The following RAD51B variants were observed in gnomAD, a reference collection of about 807,000 sequenced individuals.
RAD51B encodes the protein RAD51 paralog B.
In RAD51B, 38 loss-of-function variants were observed where a neutral mutation model predicts 42.2. The observed-to-expected ratio is 0.90, with a 90% CI of 0.70 to 1.18. RAD51B has a LOEUF of 1.18. RAD51B is among the 50% of genes most tolerant of loss of function. The pLI is 0.00. For missense variants in RAD51B, 373 were observed against 400.7 expected (o/e 0.93, Z 0.59); for synonymous variants, 154 against 145.2 (o/e 1.06, Z -0.43).
chr14:68,401,601 G>A (rs1289041081), intron 8 of RAD51B, among the ~76,000 whole-genome samples: 2 of 152,152 alleles, frequency 1.3e-5, no homozygotes, highest in Non-Finnish European at 2.9e-5. Flanking sequence ...TGCAAGTAAA[G>A]CCTCTGGACT....
At chr14:67,923,776 A>G (rs1054475052) in intron 7 of RAD51B, among the ~76,000 whole-genome samples, 1 of 152,128 alleles carries the variant, frequency 6.6e-6, no homozygotes, top group Non-Finnish European at 1.5e-5. Flanking sequence ...TGGTAGATCT[A>G]CTTTTAGTTC....
At chr14:67,972,765 A>T (rs2074922190) in intron 7 of RAD51B, among the ~76,000 whole-genome samples, 1 of 152,076 alleles carries the variant, frequency 6.6e-6, no homozygotes, top group Non-Finnish European at 1.5e-5. Context: ...CTTTGGTTTT[A>T]TGTGGAACTA....
chr14:68,376,843 G>C (rs1304302583), intron 8 of RAD51B, among the ~76,000 whole-genome samples: 3 of 152,162 alleles, frequency 2.0e-5, no homozygotes, highest in African/African-American at 7.2e-5. Flanking sequence ...ATTATACAAG[G>C]GCCGGAAGTG....
At chr14:68,586,051 T>C (rs1890453635) in intron 10 of RAD51B, among the ~76,000 whole-genome samples, 1 of 151,788 alleles carries the variant, frequency 6.6e-6, no homozygotes, top group Non-Finnish European at 1.5e-5. Context: ...CTGCAATCAG[T>C]CTTCCTGCAG....
At chr14:68,014,939 G>C (rs1330572084) in intron 7 of RAD51B, among the ~76,000 whole-genome samples, 6 of 151,776 alleles carry the variant, frequency 4.0e-5, no homozygotes, top group African/African-American at 1.5e-4. Flanking sequence ...CTACCCACTA[G>C]GGCCACCCGG....
intron 9 of RAD51B, among the ~76,000 whole-genome samples, chr14:68,456,095 G>A (rs1434855877): frequency 6.6e-6 from 1 of 152,154 alleles, no homozygotes; most frequent in Non-Finnish European, 1.5e-5. Context: ...CAACAAGAGA[G>A]TTAAAATTGT....
chr14:68,069,922 C>T (rs1477052502), intron 7 of RAD51B, among the ~76,000 whole-genome samples: 2 of 152,088 alleles, frequency 1.3e-5, no homozygotes, highest in African/African-American at 4.8e-5. Context: ...CAAGCATTCC[C>T]TTTCCTCTGT....
intron 8 of RAD51B, among the ~76,000 whole-genome samples, chr14:68,330,143 C>T (rs2082320750): frequency 6.6e-6 from 1 of 152,122 alleles, no homozygotes; most frequent in South Asian, 2.1e-4. Flanking sequence ...AAGATACTAG[C>T]AAAGCTCTCA....
At chr14:68,313,584 C>G (rs1032372974) in intron 8 of RAD51B, among the ~76,000 whole-genome samples, 6 of 152,186 alleles carry the variant, frequency 3.9e-5, no homozygotes, top group African/African-American at 1.2e-4. Context: ...GTCTGCTGTG[C>G]AAACTTGGCT....
At chr14:68,669,236 A>G (rs1214360149) in intron 11 of RAD51B, among the ~76,000 whole-genome samples, 1 of 152,272 alleles carries the variant, frequency 6.6e-6, no homozygotes, top group East Asian at 1.9e-4. Flanking sequence ...TCCCTCCGGA[A>G]ATAAGCAAAG....
At chr14:68,584,287 G>A (rs542934200) in intron 10 of RAD51B, among the ~76,000 whole-genome samples, 7 of 152,254 alleles carry the variant, frequency 4.6e-5, no homozygotes, top group Admixed American at 2.6e-4. Flanking sequence ...CTCAGCTGCC[G>A]GAATCTAGGA....
chr14:68,566,775 G>A (rs1889441833), intron 10 of RAD51B, among the ~76,000 whole-genome samples: 1 of 152,068 alleles, frequency 6.6e-6, no homozygotes, highest in South Asian at 2.1e-4. Context: ...ACTTCCTTGT[G>A]TTCTCCAACA....
intron 7 of RAD51B, among the ~76,000 whole-genome samples, chr14:68,180,492 A>C (rs2079042411): frequency 6.6e-6 from 1 of 152,278 alleles, no homozygotes; most frequent in Non-Finnish European, 1.5e-5. Flanking sequence ...GATTATCGTC[A>C]TGCTGTTGAG....
chr14:68,333,558 C>A (rs868448515), intron 8 of RAD51B, among the ~76,000 whole-genome samples: 1 of 152,158 alleles, frequency 6.6e-6, no homozygotes, highest in East Asian at 1.9e-4. Context: ...CTTAGAGATA[C>A]CTTTGCTTCA....
intron 7 of RAD51B, among the ~76,000 whole-genome samples, chr14:68,071,548 G>A (rs2076740054): frequency 6.6e-6 from 1 of 152,018 alleles, no homozygotes; most frequent in African/African-American, 2.4e-5. Flanking sequence ...CTCTTTATAT[G>A]ATTAATCACA....
At chr14:68,509,871 A>G (rs552824345) in intron 10 of RAD51B, among the ~76,000 whole-genome samples, 3 of 152,334 alleles carry the variant, frequency 2.0e-5, no homozygotes, top group Admixed American at 2.0e-4. Context: ...CCAGTCGGCC[A>G]TGGTTTGCTT....
intron 7 of RAD51B, among the ~76,000 whole-genome samples, chr14:68,185,938 C>T (rs1368076508): frequency 6.6e-6 from 1 of 152,180 alleles, no homozygotes; most frequent in Non-Finnish European, 1.5e-5. Flanking sequence ...CCCTTTGAGG[C>T]ATCACATTAC....
intron 7 of RAD51B, among the ~76,000 whole-genome samples, chr14:68,054,439 T>C (rs2076442480): frequency 6.6e-6 from 1 of 152,350 alleles, no homozygotes; most frequent in South Asian, 2.1e-4. Context: ...TCTGTTGTTA[T>C]GTAAAACTAT....
At chr14:68,013,454 G>C (rs543604058) in intron 7 of RAD51B, among the ~76,000 whole-genome samples, 1 of 152,248 alleles carries the variant, frequency 6.6e-6, no homozygotes, top group Non-Finnish European at 1.5e-5. Context: ...TGCTGGACCA[G>C]AAATACGGCT....
Sources: gnomAD v4.1 joint callset for allele counts (sites outside exome capture counted in the v4.1 genomes callset) on GRCh38, gnomAD v4.1.1 for gene constraint, MANE v1.5 for transcripts, NCBI Gene and HGNC (gene_info 2026-07-23, HGNC 2026-07-21) for gene names.